The following LDB2 variants were observed in gnomAD, a reference collection of about 807,000 sequenced individuals.
LDB2 encodes the protein LIM domain-binding protein 2.
In LDB2, 12 loss-of-function variants were observed where a neutral mutation model predicts 44.3. The observed-to-expected ratio is 0.27, with a 90% CI of 0.17 to 0.44. LDB2 has a LOEUF of 0.44. Among genes scored for constraint, LDB2 ranks in the 20% least tolerant of loss-of-function variants. LDB2 has a pLI of 1.00. For synonymous variants in LDB2, 164 were observed against 174.8 expected (o/e 0.94, Z 0.49); for missense variants, 344 against 473.5 (o/e 0.73, Z 2.54).
At chr4:16,581,287 TG>T in intron 5 of LDB2, 1 of 352,018 alleles carries the variant, frequency 2.8e-6, no homozygotes, top group Non-Finnish European at 4.0e-6. Context: ...GATGAGAAAA[TG>T]AAGGCTCAGA....
At chr4:16,798,425 A>G (rs1373854445) in intron 1 of LDB2, among the ~76,000 whole-genome samples, 2 of 152,192 alleles carry the variant, frequency 1.3e-5, no homozygotes, top group African/African-American at 4.8e-5. Flanking sequence ...GGACCCTGAG[A>G]ATCCAGGAGA....
At chr4:16,856,212 G>C (rs1789322892) in intron 1 of LDB2, among the ~76,000 whole-genome samples, 1 of 152,132 alleles carries the variant, frequency 6.6e-6, no homozygotes, top group Non-Finnish European at 1.5e-5. Context: ...CAAAACTTTG[G>C]AGTGCTCAAA....
intron 5 of LDB2, among the ~76,000 whole-genome samples, chr4:16,565,394 G>A (rs1039617096): frequency 8.5e-5 from 13 of 152,076 alleles, no homozygotes; most frequent in Middle Eastern, 3.4e-3. Context: ...GAGTAAAACC[G>A]TCTCCTTGGA....
chr4:16,722,252 C>T (rs1477413342), intron 2 of LDB2, among the ~76,000 whole-genome samples: 2 of 152,076 alleles, frequency 1.3e-5, no homozygotes, highest in Non-Finnish European at 2.9e-5. Context: ...AAACTAAGTA[C>T]CATTAGTAAA....
intron 5 of LDB2, among the ~76,000 whole-genome samples, chr4:16,566,296 T>G (rs1328978592): frequency 6.6e-6 from 1 of 152,106 alleles, no homozygotes; most frequent in East Asian, 1.9e-4. Context: ...AAATAATAAT[T>G]TAGCAAGTGT....
chr4:16,737,799 T>C (rs540292858), intron 2 of LDB2, among the ~76,000 whole-genome samples: 4 of 152,236 alleles, frequency 2.6e-5, no homozygotes, highest in African/African-American at 9.6e-5. Context: ...CTCTGAACTA[T>C]GCAATTATGG....
intron 2 of LDB2, among the ~76,000 whole-genome samples, chr4:16,703,642 AC>A (rs1483692552): frequency 6.6e-6 from 1 of 152,214 alleles, no homozygotes; most frequent in Non-Finnish European, 1.5e-5. Context: ...AGTTATTCAG[AC>A]AACTTCTCTT....
intron 7 of LDB2, chr4:16,507,254 T>A (rs1274098741): frequency 6.6e-6 from 1 of 152,198 alleles, no homozygotes; most frequent in Non-Finnish European, 1.5e-5. Context: ...ATTCTCCCCA[T>A]GACCCCTTCT....
chr4:16,671,748 G>A (rs1417825320), intron 2 of LDB2, among the ~76,000 whole-genome samples: 5 of 152,000 alleles, frequency 3.3e-5, no homozygotes, highest in Non-Finnish European at 5.9e-5. Context: ...TGGGGGTCCT[G>A]ACAAAGCCAA....
At position 16,545,769 on chromosome 4, in the gene LDB2, C is replaced by T. The variant is rs11945063; in HGVS notation, c.616-33665G>A. 1.6e-3 allele frequency among the ~76,000 whole-genome samples: 250 copies of T among 152,276 alleles called. 3 individuals carry two copies. The highest frequency in any genetic ancestry group is 5.4e-3 in the African/African-American group (226 of 41,542). On this transcript the variant is annotated intron_variant, in intron 5 of 7. Coordinates refer to ENST00000304523, the MANE Select transcript of LDB2 (RefSeq NM_001290.5). ...TAATGAGAAGAAAAACTGCCCCTACCGGCTTATTCCCAAAGCCCCAGCCAT... is the reference window on the plus strand; with the variant it reads ...TAATGAGAAGAAAAACTGCCCCTACTGGCTTATTCCCAAAGCCCCAGCCAT...
chr4:16,736,776 CATAAA>C (rs913567818), intron 2 of LDB2, among the ~76,000 whole-genome samples: 2 of 152,072 alleles, frequency 1.3e-5, no homozygotes, highest in African/African-American at 4.8e-5. Flanking sequence ...TAGGAGGTAA[CATAAA>C]ATGTGACAGA....
intron 5 of LDB2, among the ~76,000 whole-genome samples, chr4:16,517,567 T>C (rs1269093313): frequency 6.6e-6 from 1 of 151,976 alleles, no homozygotes; most frequent in African/African-American, 2.4e-5. Context: ...CTTCCTGGGG[T>C]AGTACCGGAG....
chr4:16,794,934 T>C (rs1776430729), intron 1 of LDB2, among the ~76,000 whole-genome samples: 1 of 152,200 alleles, frequency 6.6e-6, no homozygotes, highest in Non-Finnish European at 1.5e-5. Context: ...TGAGCACTCA[T>C]GGCCACGTGC....
At chr4:16,546,999 C>G (rs1735999265) in intron 5 of LDB2, among the ~76,000 whole-genome samples, 1 of 152,060 alleles carries the variant, frequency 6.6e-6, no homozygotes, top group Non-Finnish European at 1.5e-5. Flanking sequence ...AAAGATACAC[C>G]CAAGTCCTAA....
chr4:16,517,159 T>C (rs1188556175), intron 5 of LDB2, among the ~76,000 whole-genome samples: 1 of 152,130 alleles, frequency 6.6e-6, no homozygotes, highest in African/African-American at 2.4e-5. Context: ...CTCCCTGAGG[T>C]CTGAGACCCT....
chr4:16,785,524 G>A (rs1230588266), intron 1 of LDB2, among the ~76,000 whole-genome samples: 2 of 152,186 alleles, frequency 1.3e-5, no homozygotes, highest in African/African-American at 4.8e-5. Flanking sequence ...TGGCAGCATC[G>A]CCTACCGTGG....
intron 2 of LDB2, among the ~76,000 whole-genome samples, chr4:16,608,772 T>G (rs1329458747): frequency 6.6e-6 from 1 of 152,140 alleles, no homozygotes; most frequent in Non-Finnish European, 1.5e-5. Context: ...CGGTCTGCAC[T>G]CCATCACCTC....
At chr4:16,723,302 G>A (rs1758707960) in intron 2 of LDB2, among the ~76,000 whole-genome samples, 1 of 152,166 alleles carries the variant, frequency 6.6e-6, no homozygotes, top group Non-Finnish European at 1.5e-5. Context: ...AGGACATGGT[G>A]CCAGCACCTG....
chr4:16,663,055 A>C (rs1742053700), intron 2 of LDB2, among the ~76,000 whole-genome samples: 1 of 152,118 alleles, frequency 6.6e-6, no homozygotes, highest in Non-Finnish European at 1.5e-5. Context: ...TCCTGGGGTC[A>C]AAGAATAAAG....
Sources: gnomAD v4.1 joint callset for allele counts (sites outside exome capture counted in the v4.1 genomes callset) on GRCh38, gnomAD v4.1.1 for gene constraint, MANE v1.5 for transcripts, NCBI Gene and HGNC (gene_info 2026-07-23, HGNC 2026-07-21) for gene names.